Variants in TCERG1L observed in about 807,000 individuals in gnomAD.
The protein encoded by TCERG1L is transcription elongation regulator 1-like protein.
A neutral mutation model predicts 56.3 loss-of-function variants in TCERG1L; 37 were observed. The ratio of observed to expected loss-of-function variants is 0.66; its 90% CI spans 0.51 to 0.87. TCERG1L has a LOEUF of 0.87. TCERG1L is among the 40% of genes least tolerant of loss of function. TCERG1L has a pLI of 0.00. For synonymous variants in TCERG1L, 324 were observed against 326.3 expected (o/e 0.99, Z 0.08); for missense variants, 799 against 774.2 (o/e 1.03, Z -0.38).
intron 4 of TCERG1L, among the ~76,000 whole-genome samples, chr10:131,203,766 C>T (rs1845482345): frequency 6.6e-6 from 1 of 152,198 alleles, no homozygotes; most frequent in African/African-American, 2.4e-5. Context: ...GAGCGCTAGC[C>T]CTGGGGGCAG....
At chr10:131,246,837 T>C (rs868148953) in intron 4 of TCERG1L, among the ~76,000 whole-genome samples, 12 of 152,270 alleles carry the variant, frequency 7.9e-5, no homozygotes, top group East Asian at 7.8e-4. Flanking sequence ...GCCGGGAGCA[T>C]AGAGGTGGGG....
chr10:131,223,955 C>T (rs1380515018), intron 4 of TCERG1L, among the ~76,000 whole-genome samples: 7 of 152,170 alleles, frequency 4.6e-5, no homozygotes, highest in African/African-American at 1.7e-4. Flanking sequence ...CTTCTCCCCT[C>T]CCACTTCTCT....
At chr10:131,308,765 A>G in intron 2 of TCERG1L, among the ~76,000 whole-genome samples, 1 of 152,254 alleles carries the variant, frequency 6.6e-6, no homozygotes, top group East Asian at 1.9e-4. Flanking sequence ...AAGCCAAAAC[A>G]AACCATTAGA....
At chr10:131,130,218 T>C (rs141537698) in intron 8 of TCERG1L, among the ~76,000 whole-genome samples, 1,800 of 152,176 alleles carry the variant, frequency 0.012, 26 homozygotes, top group Middle Eastern at 0.02. Context: ...GAACTCTCCT[T>C]TATAAAACCA....
intron 4 of TCERG1L, among the ~76,000 whole-genome samples, chr10:131,232,758 C>T (rs1447023265): frequency 6.6e-6 from 1 of 152,152 alleles, no homozygotes; most frequent in Non-Finnish European, 1.5e-5. Context: ...TTCCACCACA[C>T]AAGTGTCCCC....
chr10:131,178,017 C>A (rs1314927535), intron 4 of TCERG1L, among the ~76,000 whole-genome samples: 3 of 152,112 alleles, frequency 2.0e-5, no homozygotes, highest in African/African-American at 7.2e-5. Flanking sequence ...CCTCCACATT[C>A]CGGGACAGTC....
intron 6 of TCERG1L, among the ~76,000 whole-genome samples, chr10:131,158,908 C>G (rs973835507): frequency 3.9e-5 from 6 of 152,228 alleles, no homozygotes; most frequent in African/African-American, 1.4e-4. Flanking sequence ...TCCTCTGCGG[C>G]CATGCCTGCT....
intron 6 of TCERG1L, among the ~76,000 whole-genome samples, chr10:131,157,659 A>G (rs1845938412): frequency 6.6e-6 from 1 of 152,218 alleles, no homozygotes; most frequent in South Asian, 2.1e-4. Context: ...TACTGTTAAC[A>G]TGCCTAAAAG....
At chr10:131,093,924 C>T (rs1845213142) in intron 11 of TCERG1L, among the ~76,000 whole-genome samples, 4 of 152,178 alleles carry the variant, frequency 2.6e-5, no homozygotes, top group South Asian at 4.2e-4. Flanking sequence ...TTATCTGCTT[C>T]GTTCTCCAAT....
chr10:131,106,503 C>T (rs533957601), intron 9 of TCERG1L, among the ~76,000 whole-genome samples: 1 of 152,286 alleles, frequency 6.6e-6, no homozygotes, highest in East Asian at 1.9e-4. Context: ...ATGGGGAATG[C>T]AGGAATTGCA....
At chr10:131,134,853 C>A (rs1343241126) in intron 7 of TCERG1L, among the ~76,000 whole-genome samples, 1 of 152,134 alleles carries the variant, frequency 6.6e-6, no homozygotes, top group African/African-American at 2.4e-5. Context: ...GAAGGGTGGC[C>A]CCCAGCAGCA....
At chr10:131,189,208 G>T (rs1261908653) in intron 4 of TCERG1L, among the ~76,000 whole-genome samples, 2 of 152,030 alleles carry the variant, frequency 1.3e-5, no homozygotes, top group African/African-American at 4.8e-5. Flanking sequence ...AATTTATAGG[G>T]CACAAGTGCA....
intron 4 of TCERG1L, 96 bp from the exon 5 acceptor site, chr10:131,166,981 A>C (rs1846038428): frequency 1.8e-6 from 2 of 1,085,770 alleles, no homozygotes; most frequent in Admixed American, 4.4e-5. Flanking sequence ...TGAAGATTAG[A>C]ATTGGTCAGT....
At chr10:131,217,885 C>T (rs1845688168) in intron 4 of TCERG1L, among the ~76,000 whole-genome samples, 1 of 152,048 alleles carries the variant, frequency 6.6e-6, no homozygotes, top group Admixed American at 6.5e-5. Context: ...CCACGCCCGG[C>T]TAATTTTTTT....
At chr10:131,250,333 C>T (rs185758495) in intron 4 of TCERG1L, among the ~76,000 whole-genome samples, 11 of 129,770 alleles carry the variant, frequency 8.5e-5, no homozygotes, top group Admixed American at 6.8e-4. Flanking sequence ...ACTCACATGC[C>T]GAGCGGGAGC....
At chr10:131,146,265 C>T (rs1845793111) in intron 7 of TCERG1L, among the ~76,000 whole-genome samples, 1 of 152,194 alleles carries the variant, frequency 6.6e-6, no homozygotes, top group African/African-American at 2.4e-5. Flanking sequence ...GAATGGCCAT[C>T]TCTGCGTTAA....
At chr10:131,120,743 C>T (rs897925899) in intron 8 of TCERG1L, among the ~76,000 whole-genome samples, 1 of 152,350 alleles carries the variant, frequency 6.6e-6, no homozygotes, top group Non-Finnish European at 1.5e-5. Context: ...CCCCAGCATG[C>T]TCCCCTGAGG....
At chr10:131,185,052 T>C (rs1845221206) in intron 4 of TCERG1L, among the ~76,000 whole-genome samples, 4 of 152,134 alleles carry the variant, frequency 2.6e-5, no homozygotes, top group African/African-American at 7.2e-5. Context: ...GCCATGATGA[T>C]GCCACCACAC....
intron 3 of TCERG1L, among the ~76,000 whole-genome samples, chr10:131,304,375 C>G (rs1020397188): frequency 6.6e-6 from 1 of 151,984 alleles, no homozygotes; most frequent in African/African-American, 2.4e-5. Context: ...ACTCTTACCC[C>G]CCAGACCCTT....
Sources: gnomAD v4.1 joint callset for allele counts (sites outside exome capture counted in the v4.1 genomes callset) on GRCh38, gnomAD v4.1.1 for gene constraint, MANE v1.5 for transcripts, NCBI Gene and HGNC (gene_info 2026-07-23, HGNC 2026-07-21) for gene names.